Variants in DDX54 observed in about 807,000 individuals in gnomAD.
The protein encoded by DDX54 is ATP-dependent RNA helicase DDX54.
DDX54 carries 67 observed loss-of-function variants against 105.5 expected under a neutral mutation model. The observed-to-expected ratio is 0.64, with a 90% CI of 0.52 to 0.78. DDX54 has a LOEUF of 0.78. Among genes scored for constraint, DDX54 ranks in the 30% least tolerant of loss-of-function variants. DDX54 has a pLI of 0.00. For synonymous variants in DDX54, 514 were observed against 509.9 expected (o/e 1.01, Z -0.11); for missense variants, 1,206 against 1,230.5 (o/e 0.98, Z 0.30).
chr12:113,170,025 GT>G, intron 11 of DDX54, 121 bp from the exon 12 acceptor site: 1 of 1,365,932 alleles, frequency 7.3e-7, no homozygotes, highest in African/African-American at 1.5e-5. Flanking sequence ...CACGGCTGCT[GT>G]CCCCACCTAC....
At position 113,157,391 on chromosome 12, in the gene DDX54, G is replaced by A. The variant is rs1464852383; in HGVS notation, c.*1486C>T. 1.0e-5 allele frequency: 6 copies of A among 585,226 alleles called. No individual in the cohort carries two copies. Among genetic ancestry groups the A allele is most frequent in the Middle Eastern group, 4.5e-4 (1 of 2,234 alleles). The allele number at this position is 585,226 out of a possible 1,614,324, so 36.3% of individuals were successfully genotyped here. ...GGAAGCTGTGAAGGTGTCTGCTCAC[G>A]CAGCAGTTGGGAAGGTTGGCCTGAG... On this transcript the variant is annotated 3_prime_UTR_variant, in exon 20 of 20. Coordinates refer to ENST00000306014, the MANE Select transcript of DDX54 (RefSeq NM_024072.4).
Position 113,176,827 on chromosome 12 carries a change from C to A in DDX54, c.752+13G>T. On this transcript the variant is annotated intron_variant, in intron 7 of 19. Transcript: ENST00000306014. ...TCAGACACAAGTGCTCAGGGCTGGA[C>A]CTGCAGCCTTACCGGTCAGCTTCAT... The A allele has an allele frequency of 6.2e-7, 1 of 1,613,724 alleles. No homozygotes were observed. Among genetic ancestry groups the A allele is most frequent in the Non-Finnish European group, 8.5e-7 (1 of 1,179,756 alleles).
intron 1 of DDX54, 100 bp from the exon 2 acceptor site, chr12:113,181,158 G>A: frequency 7.2e-7 from 1 of 1,387,360 alleles, no homozygotes; most frequent in Non-Finnish European, 9.5e-7. Context: ...CCCCATTCAA[G>A]CCAATGATGC....
intron 10 of DDX54, among the ~76,000 whole-genome samples, chr12:113,173,185 T>C (rs1433172787): frequency 6.6e-6 from 1 of 151,930 alleles, no homozygotes; most frequent in Non-Finnish European, 1.5e-5. Flanking sequence ...ACAAAAAAAA[T>C]TAAAATAAAT....
intron 14 of DDX54, among the ~76,000 whole-genome samples, chr12:113,165,092 G>C (rs76946985): frequency 0.1 from 15,310 of 152,190 alleles, 905 homozygotes; most frequent in East Asian, 0.21. Context: ...CTAGGAAAAG[G>C]CATAGCTTGT....
In DDX54 at chr12:113,174,905, G is replaced by A. The variant is rs780038014; in HGVS notation, c.906C>T (p.Asp302=). 4.3e-6 allele frequency: 7 copies of A among 1,613,710 alleles called. No individual in the cohort carries two copies. The highest frequency in any genetic ancestry group is 1.6e-4 in the Middle Eastern group (1 of 6,082). Residue 302 remains aspartate (D), a synonymous_variant, in exon 9 of 20, where the codon GAC becomes GAT. Transcript: ENST00000306014. ...GCTGCTCGTTGAGCTTGGTATCCAC[G>A]TCAAGCCGGATGAGCACGGGCTCCG... The part of the protein sequence containing the change: ...GLTEPVLIRL[D]VDTKLNEQLK...
chr12:113,176,318 A>G (rs1001208950), intron 7 of DDX54, among the ~76,000 whole-genome samples: 1 of 152,200 alleles, frequency 6.6e-6, no homozygotes, highest in Non-Finnish European at 1.5e-5. Context: ...CTGTAATCCC[A>G]GCACTTTGGG....
In DDX54 at chr12:113,175,098, C is replaced by G. The variant is rs1480870203; in HGVS notation, c.812G>C (p.Gly271Ala). ...LQEIIARLPG[G>A]HQTVLFSATL... ...GGCGGAGAACAGCACCGTCTGGTGG[C>G]CCCCGGGGAGGCGGGCGATGATCTC... Residue 271 changes from glycine to alanine, a missense_variant, in exon 8 of 20, where the codon GGC (glycine) becomes GCC (alanine). Coordinates refer to ENST00000306014, the MANE Select transcript of DDX54 (RefSeq NM_024072.4). 6.2e-7 allele frequency: 1 copy of G among 1,613,442 alleles called. No homozygotes were observed. The highest frequency in any genetic ancestry group is 8.5e-7 in the Non-Finnish European group (1 of 1,179,944).
Position 113,179,207 on chromosome 12 carries a change from G to A in DDX54, c.500C>T (p.Ala167Val). The change falls in exon 4 of 20, where the codon GCC becomes GTC. Residue 167 changes from alanine to valine, a missense_variant. By Grantham distance (64) the Ala-to-Val change is moderately conservative. This residue lies in a region of DDX54 where 961 missense variants were observed against 1,019.1 expected (regional missense o/e 0.94). Transcript: ENST00000306014. ...GGTCGGCGAGAGGATGAGGGCGCGGGCCCCGGTCTGGGCACTGTGGGTCTT... is the reference window on the plus strand; with the variant it reads ...GGTCGGCGAGAGGATGAGGGCGCGGACCCCGGTCTGGGCACTGTGGGTCTT... ...RLKTHSAQTG[A>V]RALILSPTRE... 6.2e-7 allele frequency: 1 copy of A among 1,614,018 alleles called. No individual in the cohort carries two copies. The highest frequency in any genetic ancestry group is 2.2e-5 in the East Asian group (1 of 44,888).
chr12:113,179,283 T>A lies in DDX54; in HGVS notation c.424A>T (p.Thr142Ser). ...DGKDVVAMAR[T>S]GSGKTACFLL... ...AAGCAGGCTGTCTTGCCACTGCCCG[T>A]CCGGGCCATGGCCACCACGTCCTTG... is the stretch of plus-strand genomic sequence containing the variant. Residue 142 changes from threonine to serine, a missense_variant, in exon 4 of 20, where the codon ACG becomes TCG. Around this residue, in one of 3 missense-constraint regions of DDX54, gnomAD observed 33 missense variants for 56.0 expected, o/e 0.59. Coordinates refer to ENST00000306014, the MANE Select transcript of DDX54 (RefSeq NM_024072.4). 6.2e-7 allele frequency: 1 copy of A among 1,613,924 alleles called. No individual in the cohort carries two copies. The highest frequency in any genetic ancestry group is 8.5e-7 in the Non-Finnish European group (1 of 1,179,996).
chr12:113,169,764 A>T lies in DDX54; in HGVS notation c.1414+6T>A. On this transcript the variant is annotated splice_donor_region_variant and intron_variant, in intron 12 of 19. Coordinates refer to ENST00000306014, the MANE Select transcript of DDX54 (RefSeq NM_024072.4). ...GGACCCCTATCCCCACCCAGCCTCCACTCACCTGAGGGCTCCTTGAGGGGT... is the reference window on the plus strand; with the variant it reads ...GGACCCCTATCCCCACCCAGCCTCCTCTCACCTGAGGGCTCCTTGAGGGGT... The T allele has an allele frequency of 1.2e-6, 2 of 1,613,286 alleles. No individual in the cohort carries two copies. The highest frequency in any genetic ancestry group is 1.7e-6 in the Non-Finnish European group (2 of 1,179,542).
intron 12 of DDX54, among the ~76,000 whole-genome samples, chr12:113,168,230 C>G (rs2136318215): frequency 6.6e-6 from 1 of 152,346 alleles, no homozygotes; most frequent in African/African-American, 2.4e-5. Context: ...GGGCCGTGGC[C>G]TGGACAGAGA....
Position 113,161,360 on chromosome 12 carries a change from G to A in DDX54, c.2323C>T (p.Gln775Ter). 6.2e-7 allele frequency: 1 copy of A among 1,613,022 alleles called. No individual in the cohort carries two copies. Among genetic ancestry groups the A allele is most frequent in the Non-Finnish European group, 8.5e-7 (1 of 1,179,520 alleles). Residue 775 changes from glutamine to a stop codon, truncating the protein, a stop_gained, in exon 19 of 20, where the codon CAG becomes TAG. Transcript: ENST00000306014. LOFTEE classifies it high-confidence loss of function. ...RDLYQKWKQK[Q>*]KIDDRDSDEE... ...TCCGAGTCACGATCATCAATTTTCT[G>A]TTTCTGTTTCCACTTCTGATAGCTG... is the stretch of plus-strand genomic sequence containing the variant.
intron 10 of DDX54, 27 bp from the exon 11 acceptor site, chr12:113,172,590 G>A: frequency 6.2e-7 from 1 of 1,610,592 alleles, no homozygotes; most frequent in Non-Finnish European, 8.5e-7. Flanking sequence ...TGGTAGCAAA[G>A]TGAGAAGGAG....
At chr12:113,183,644 A>G (rs927814878) in intron 1 of DDX54, 2 of 152,278 alleles carry the variant, frequency 1.3e-5, no homozygotes, top group African/African-American at 4.8e-5. Context: ...GTGCATACAC[A>G]TGACATTCAG....
At chr12:113,170,740 C>G (rs902292289) in intron 11 of DDX54, among the ~76,000 whole-genome samples, 1 of 152,154 alleles carries the variant, frequency 6.6e-6, no homozygotes, top group Non-Finnish European at 1.5e-5. Context: ...ACGACAGCAG[C>G]AGAGATGAAC....
At chr12:113,168,634 A>T (rs1470487775) in intron 12 of DDX54, among the ~76,000 whole-genome samples, 1 of 152,262 alleles carries the variant, frequency 6.6e-6, no homozygotes, top group East Asian at 1.9e-4. Context: ...ATGTATACAG[A>T]AATGTCCTGT....
chr12:113,172,518 G>C lies in DDX54; in HGVS notation c.1114C>G (p.Leu372Val). The C allele has an allele frequency of 2.5e-6, 4 of 1,614,260 alleles. No homozygotes were observed. Among genetic ancestry groups the C allele is most frequent in the Non-Finnish European group, 3.4e-6 (4 of 1,180,054 alleles). Residue 372 changes from leucine to valine, a missense_variant, in exon 11 of 20, where the codon CTA becomes GTA. Transcript: ENST00000306014. ...TTGATCTTGCGGGCTGTCGGGTCTA[G>C]GGCACTGTAGATGTGGGCGCAGCTC... Reference protein sequence around the residue: ...RVSCAHIYSALDPTARKINLA... With the variant: ...RVSCAHIYSAVDPTARKINLA...
chr12:113,169,489 CG>C (rs1176077579), intron 12 of DDX54, among the ~76,000 whole-genome samples: 1 of 151,528 alleles, frequency 6.6e-6, no homozygotes, highest in Non-Finnish European at 1.5e-5. Flanking sequence ...GGCGTGGTGG[CG>C]GGCATCTATA....
Sources: allele counts gnomAD v4.1 joint callset (sites outside exome capture counted in the v4.1 genomes callset), GRCh38; gene constraint gnomAD v4.1.1; regional missense constraint gnomAD v4.1.1; transcripts MANE v1.5; gene names NCBI Gene and HGNC (gene_info 2026-07-23, HGNC 2026-07-21).